Variants in DLG2 observed in about 807,000 individuals in gnomAD.
DLG2 encodes the protein disks large homolog 2.
Under a neutral mutation model 132.5 loss-of-function variants are expected in DLG2, and 45 were observed. The observed-to-expected ratio is 0.34, with a 90% CI of 0.27 to 0.44. The LOEUF (loss-of-function observed/expected upper bound fraction) is 0.44, where lower values mean the gene tolerates loss of function less well. Among genes scored for constraint, DLG2 ranks in the 20% least tolerant of loss-of-function variants. The probability of loss-of-function intolerance (pLI) is 1.00; values close to 1 mark genes in which losing one functional copy is unlikely to be tolerated. For synonymous variants in DLG2, 424 were observed against 419.6 expected (o/e 1.01, Z -0.13); for missense variants, 1,045 against 1,196.9 (o/e 0.87, Z 1.87).
chr11:83,696,006 G>A (rs569474075), intron 18 of DLG2, among the ~76,000 whole-genome samples: 2 of 152,294 alleles, frequency 1.3e-5, no homozygotes, highest in South Asian at 4.2e-4. Flanking sequence ...TGTGGGTCAG[G>A]GGACTCCATC....
intron 17 of DLG2, among the ~76,000 whole-genome samples, chr11:83,830,693 A>G (rs1216681114): frequency 1.5e-4 from 23 of 152,222 alleles, no homozygotes; most frequent in Admixed American, 1.5e-3. Context: ...GTGTGCTGAG[A>G]GGAGAAAGAA....
At chr11:84,301,104 T>C (rs959191047) in intron 7 of DLG2, among the ~76,000 whole-genome samples, 1 of 152,232 alleles carries the variant, frequency 6.6e-6, no homozygotes, top group Non-Finnish European at 1.5e-5. Flanking sequence ...TCTAAAAATA[T>C]ATCCTCACGA....
At chr11:83,788,468 G>A (rs939283683) in intron 17 of DLG2, among the ~76,000 whole-genome samples, 6 of 152,118 alleles carry the variant, frequency 3.9e-5, no homozygotes, top group Admixed American at 3.3e-4. Flanking sequence ...CTCCTCCCTC[G>A]GAGGGAAGAG....
At chr11:84,000,114 C>T (rs545379451) in intron 11 of DLG2, among the ~76,000 whole-genome samples, 1 of 151,998 alleles carries the variant, frequency 6.6e-6, no homozygotes, top group South Asian at 2.1e-4. Flanking sequence ...AAAACCAATA[C>T]AAAGAAATCA....
chr11:85,230,971 C>T (rs533088228), intron 4 of DLG2, among the ~76,000 whole-genome samples: 1 of 152,034 alleles, frequency 6.6e-6, no homozygotes, highest in Middle Eastern at 3.4e-3. Context: ...ACCAAATCTG[C>T]TGGAACTTTG....
At chr11:85,029,891 T>A (rs573015927) in intron 6 of DLG2, among the ~76,000 whole-genome samples, 1 of 152,270 alleles carries the variant, frequency 6.6e-6, no homozygotes, top group South Asian at 2.1e-4. Flanking sequence ...TGTGTATGTG[T>A]GTATTTTTAG....
chr11:84,846,993 G>T (rs2081555294), intron 6 of DLG2, among the ~76,000 whole-genome samples: 1 of 152,064 alleles, frequency 6.6e-6, no homozygotes, highest in Admixed American at 6.6e-5. Context: ...TGCAGTCCCA[G>T]CTGCTATTTG....
At chr11:84,819,700 T>G (rs1456336732) in intron 6 of DLG2, among the ~76,000 whole-genome samples, 1 of 151,872 alleles carries the variant, frequency 6.6e-6, no homozygotes, top group Non-Finnish European at 1.5e-5. Flanking sequence ...GATAGCTGAG[T>G]TACCGCCTCA....
chr11:85,114,760 A>T (rs1358106375), intron 5 of DLG2, among the ~76,000 whole-genome samples: 1 of 151,976 alleles, frequency 6.6e-6, no homozygotes, highest in Non-Finnish European at 1.5e-5. Flanking sequence ...ACTACAAAGA[A>T]CTCGAAAAGT....
chr11:85,308,586 C>T (rs918009913), intron 3 of DLG2, among the ~76,000 whole-genome samples: 1 of 152,282 alleles, frequency 6.6e-6, no homozygotes, highest in South Asian at 2.1e-4. Flanking sequence ...GGTCAAACTT[C>T]CTTTTGTCCT....
intron 7 of DLG2, among the ~76,000 whole-genome samples, chr11:84,415,048 G>C (rs2098924293): frequency 6.6e-6 from 1 of 152,068 alleles, no homozygotes; most frequent in African/African-American, 2.4e-5. Context: ...AGCAAGGTCT[G>C]GCAGCCAAAT....
chr11:85,256,705 C>T (rs1053943587), intron 4 of DLG2, among the ~76,000 whole-genome samples: 2 of 152,140 alleles, frequency 1.3e-5, no homozygotes, highest in African/African-American at 2.4e-5. Flanking sequence ...AGGAGCCACG[C>T]CCCTGTCGAT....
chr11:84,617,635 C>T (rs1322173223), intron 6 of DLG2, among the ~76,000 whole-genome samples: 1 of 152,136 alleles, frequency 6.6e-6, no homozygotes, highest in Non-Finnish European at 1.5e-5. Context: ...TCCACATCCT[C>T]TCCAGCATCT....
chr11:85,337,380 G>C (rs1243880822), intron 3 of DLG2, among the ~76,000 whole-genome samples: 1 of 152,022 alleles, frequency 6.6e-6, no homozygotes, highest in East Asian at 1.9e-4. Flanking sequence ...CATCAGGCCT[G>C]GCTAGATATT....
chr11:84,947,549 T>C (rs1158456306), intron 6 of DLG2, among the ~76,000 whole-genome samples: 1 of 152,196 alleles, frequency 6.6e-6, no homozygotes, highest in African/African-American at 2.4e-5. Flanking sequence ...ACTAGAAGCC[T>C]TCCCCCACCA....
At chr11:84,411,392 G>A (rs2154458011) in intron 7 of DLG2, among the ~76,000 whole-genome samples, 1 of 152,204 alleles carries the variant, frequency 6.6e-6, no homozygotes, top group South Asian at 2.1e-4. Flanking sequence ...CCTACTTCTG[G>A]TTACTAGAGC....
intron 7 of DLG2, among the ~76,000 whole-genome samples, chr11:84,508,948 G>A (rs960252647): frequency 1.3e-4 from 20 of 152,220 alleles, no homozygotes; most frequent in African/African-American, 3.6e-4. Context: ...ATGACTGACC[G>A]TCTTACTACC....
At chr11:83,472,681 T>C in intron 23 of DLG2, 46 bp downstream of exon 23, 1 of 1,568,678 alleles carries the variant, frequency 6.4e-7, no homozygotes, top group Admixed American at 1.8e-5. Flanking sequence ...TGATGTCACC[T>C]CTTATGGCCC....
intron 11 of DLG2, among the ~76,000 whole-genome samples, chr11:84,028,278 T>C (rs1350074949): frequency 6.6e-6 from 1 of 152,116 alleles, no homozygotes; most frequent in Non-Finnish European, 1.5e-5. Flanking sequence ...ATAATATCTG[T>C]CCTTCATGTG....
Sources: allele counts gnomAD v4.1 joint callset (sites outside exome capture counted in the v4.1 genomes callset), GRCh38; gene constraint gnomAD v4.1.1; transcripts MANE v1.5; gene names NCBI Gene and HGNC (gene_info 2026-07-23, HGNC 2026-07-21).